PRRT4: variants seen among roughly 807,000 people sequenced by gnomAD.
PRRT4 encodes the protein proline rich transmembrane protein 4.
Under a neutral mutation model 55.6 loss-of-function variants are expected in PRRT4, and 59 were observed. The observed-to-expected ratio is 1.06, with a 90% confidence interval of 0.86 to 1.32. The LOEUF is 1.32. PRRT4 is among the 40% of genes most tolerant of loss of function. The pLI is 0.00. For synonymous variants in PRRT4, 606 were observed against 601.8 expected, an observed-to-expected ratio of 1.01 and a Z score of -0.10; for missense variants, 1,217 against 1,222.0, an observed-to-expected ratio of 1.00 and a Z score of 0.06.
downstream of PRRT4, chr7:128,350,573 C>A (rs751470775): frequency 2.1e-6 from 1 of 481,704 alleles, no homozygotes; most frequent in Non-Finnish European, 3.8e-6. Flanking sequence ...GAGTGGAGCA[C>A]CTTGGAGCTT....
chr7:128,361,650 G>T (rs1047408582), exon 1 of PRRT4: 2 of 152,290 alleles, frequency 1.3e-5, no homozygotes, highest in Non-Finnish European at 2.9e-5. Flanking sequence ...CTCGCTCCCC[G>T]GCGAAGCCGC....
exon 5 of PRRT4, chr7:128,351,709 G>T: frequency 1.3e-6 from 2 of 1,490,066 alleles, no homozygotes; most frequent in Non-Finnish European, 1.8e-6. Flanking sequence ...GCCCAGCAGC[G>T]CCAACGGGAG....
rs1052562381 is a variant in PRRT4, at chr7:128,359,049, T to G, written c.757+100A>C. The stretch of plus-strand genomic sequence containing the variant: ...ATATCCTAGGGCCTGGAAGAAGCAA[T>G]GCAAGAAAGTAAAAAAAGAAAGGTA... On this transcript the variant is annotated intron_variant, in intron 3 of 4. Coordinates refer to ENST00000535159, the Ensembl canonical transcript of PRRT4. 3.0e-6 allele frequency: 4 copies of G among 1,322,830 alleles called. No homozygotes were observed. In the African/African-American group the frequency reaches 5.9e-5, roughly 19 times the overall value. 81.9% of individuals were successfully genotyped at this position (1,322,830 alleles called of 1,614,324 possible).
chr7:128,352,185 C>G, exon 5 of PRRT4: 1 of 1,429,680 alleles, frequency 7.0e-7, no homozygotes, highest in Non-Finnish European at 9.1e-7. Context: ...GCGGGCGCGG[C>G]CGGGCCAGCA....
At chr7:128,352,778 TC>T in intron 4 of PRRT4, 100 bp from the exon 6 acceptor site, 2 of 1,176,174 alleles carry the variant, frequency 1.7e-6, no homozygotes, top group Non-Finnish European at 2.3e-6. Flanking sequence ...CCCTACCGTA[TC>T]CAGGACACAC....
At chr7:128,361,354 G>T (rs374811896) in intron 1 of PRRT4, 17 of 152,184 alleles carry the variant, frequency 1.1e-4, no homozygotes, top group African/African-American at 4.1e-4. Context: ...CCGAGCCTCC[G>T]AAAAGGGGCG....
At chr7:128,361,097 TCTCTCTCACACACA>T (rs1162995000) in intron 1 of PRRT4, among the ~76,000 whole-genome samples, 195 bp downstream of exon 2, 1,673 of 136,246 alleles carry the variant, frequency 0.012, 41 homozygotes, top group African/African-American at 0.047. Flanking sequence ...TCTCTCTCTC[TCTCTCTCACACACA>T]CACACACACA....
exon 5 of PRRT4, chr7:128,351,676 G>T: frequency 6.6e-7 from 1 of 1,512,342 alleles, no homozygotes; most frequent in African/African-American, 1.4e-5. Flanking sequence ...CGGCACGCGA[G>T]GACTGCAGAG....
intron 4 of PRRT4, among the ~76,000 whole-genome samples, chr7:128,356,039 T>G (rs1242038082): frequency 6.6e-6 from 1 of 152,080 alleles, no homozygotes; most frequent in Non-Finnish European, 1.5e-5. Context: ...GGTGGGCAGA[T>G]CACAAGGTCA....
At chr7:128,352,424 C>G in exon 5 of PRRT4, 4 of 1,537,346 alleles carry the variant, frequency 2.6e-6, no homozygotes, top group Non-Finnish European at 3.5e-6. Flanking sequence ...GCCAGCAAGG[C>G]AACCAGGCCG....
At chr7:128,352,590 C>T in exon 5 of PRRT4, 1 of 1,544,030 alleles carries the variant, frequency 6.5e-7, no homozygotes, top group Non-Finnish European at 8.7e-7. Flanking sequence ...CGCTGCAGGA[C>T]CCTGGCCCAC....
chr7:128,360,687 G>T (rs919990086), intron 1 of PRRT4, among the ~76,000 whole-genome samples: 1 of 152,088 alleles, frequency 6.6e-6, no homozygotes, highest in Non-Finnish European at 1.5e-5. Context: ...CGTTTCCTGG[G>T]GCTGGGCCTG....
chr7:128,353,577 GCCTATCCATGGCAGTGACC>G (rs1797047433), intron 4 of PRRT4, among the ~76,000 whole-genome samples: 1 of 152,004 alleles, frequency 6.6e-6, no homozygotes. Flanking sequence ...CCAACCCTTA[GCCTATCCATGGCAGTGACC>G]CCTATCCTGC....
intron 1 of PRRT4, among the ~76,000 whole-genome samples, 191 bp downstream of exon 2, chr7:128,361,101 TCTCACACACACACA>T (rs1187801456): frequency 6.8e-5 from 8 of 118,292 alleles, no homozygotes; most frequent in East Asian, 4.7e-4. Flanking sequence ...TCTCTCTCTC[TCTCACACACACACA>T]CACACACACA....
chr7:128,360,947 C>A (rs1304547499), intron 1 of PRRT4, among the ~76,000 whole-genome samples: 2 of 151,908 alleles, frequency 1.3e-5, no homozygotes, highest in Non-Finnish European at 2.9e-5. Flanking sequence ...CCGTGACACA[C>A]TCACCCGTCA....
chr7:128,353,292 TCC>T, intron 4 of PRRT4, among the ~76,000 whole-genome samples: 1 of 152,080 alleles, frequency 6.6e-6, no homozygotes, highest in African/African-American at 2.4e-5. Context: ...TTTCTGTGAT[TCC>T]AAAGCCTCGT....
chr7:128,361,655 A>G (rs945802645), exon 1 of PRRT4: 1 of 152,302 alleles, frequency 6.6e-6, no homozygotes, highest in African/African-American at 2.4e-5. Flanking sequence ...TCCCCGGCGA[A>G]GCCGCCCGCG....
chr7:128,355,346 T>TGCCACC (rs1797090910), intron 4 of PRRT4, among the ~76,000 whole-genome samples: 1 of 152,106 alleles, frequency 6.6e-6, no homozygotes, highest in African/African-American at 2.4e-5. Context: ...TACAGGTGCG[T>TGCCACC]GCCACCATGC....
Position 128,358,544 on chromosome 7 carries a change from C to T in PRRT4, c.877+137G>A. 2 of 807,120 alleles carry T rather than the reference C, an allele frequency of 2.5e-6. No individual in the cohort carries two copies. The highest frequency in any genetic ancestry group is 4.0e-6 in the Non-Finnish European group (2 of 505,146). 50.0% of individuals were successfully genotyped at this position (807,120 alleles called of 1,614,324 possible). ...CTCTCAGACCATTCATATATATCTCCACGGTGATGATGAAGAGAATGATGA... is the reference window on the plus strand; with the variant it reads ...CTCTCAGACCATTCATATATATCTCTACGGTGATGATGAAGAGAATGATGA... On this transcript the variant is annotated intron_variant, in intron 4 of 4. Coordinates refer to ENST00000535159, the Ensembl canonical transcript of PRRT4. This position sits in a 1 kb window ranked among gnomAD's most constrained non-coding sequence, Gnocchi z 4.4.
Sources: allele counts gnomAD v4.1 joint callset (sites outside exome capture counted in the v4.1 genomes callset), GRCh38; gene constraint gnomAD v4.1.1; non-coding constraint Gnocchi (gnomAD v3.1); transcripts MANE v1.5; gene names NCBI Gene and HGNC (gene_info 2026-07-23, HGNC 2026-07-21).